CENPW: variants seen among roughly 807,000 people sequenced by gnomAD.
CENPW encodes centromere protein W.
A neutral mutation model predicts 11.1 loss-of-function variants in CENPW; 3 were observed. That is an observed-to-expected ratio of 0.27 (90% confidence interval 0.12 to 0.70). CENPW has a LOEUF of 0.70. Among genes scored for constraint, CENPW ranks in the 30% least tolerant of loss-of-function variants. The pLI is 0.77. For missense variants in CENPW, 100 were observed against 105.6 expected, an observed-to-expected ratio of 0.95 and a Z score of 0.23; for synonymous variants, 38 against 42.0, an observed-to-expected ratio of 0.91 and a Z score of 0.37.
chr6:126,472,092 T>C, the CENPW span, among the ~76,000 whole-genome samples: 7 of 152,214 alleles, frequency 4.6e-5, no homozygotes, highest in Admixed American at 4.6e-4. Flanking sequence ...CTTCAATAAT[T>C]ATAAGCTTCG....
At position 126,340,332 on chromosome 6, in the gene CENPW, G is replaced by A. The variant is rs569626276; in HGVS notation, c.59G>A (p.Gly20Asp). 40 of 1,614,114 alleles carry A rather than the reference G, an allele frequency of 2.5e-5. No individual in the cohort carries two copies. The East Asian group carries it at 8.7e-4, about 35-fold the overall frequency. The change falls in exon 1 of 3, where the codon GGC becomes GAC. Residue 20 changes from glycine (G) to aspartate (D), a missense_variant. Physicochemically the swap from Gly to Asp is moderately conservative, Grantham distance 94. Coordinates refer to ENST00000368328, the MANE Select transcript of CENPW (RefSeq NM_001012507.4). The part of the protein sequence containing the change: ...RKQIKRKAPR[G>D]FLKRVFKRKK... The stretch of plus-strand genomic sequence containing the variant: ...CAGATAAAGCGGAAGGCTCCCCGTG[G>A]CTTTCTAAAGCGAGTCTTCAAGCGA...
the CENPW span, among the ~76,000 whole-genome samples, chr6:126,399,710 A>C: frequency 7.0e-4 from 107 of 152,124 alleles, no homozygotes; most frequent in African/African-American, 2.4e-3. Flanking sequence ...TAGAGATTTA[A>C]TTTATGTAAA....
chr6:126,457,337 T>G, the CENPW span, among the ~76,000 whole-genome samples: 4 of 151,518 alleles, frequency 2.6e-5, no homozygotes, highest in Admixed American at 2.0e-4. Flanking sequence ...GTAGACTGAA[T>G]AAAGAAAATG....
the CENPW span, among the ~76,000 whole-genome samples, chr6:126,369,615 G>A: frequency 6.6e-6 from 1 of 152,130 alleles, no homozygotes; most frequent in Middle Eastern, 3.4e-3. Context: ...CCCACTTTTT[G>A]TTGGGATTGT....
chr6:126,471,220 TC>T, the CENPW span, among the ~76,000 whole-genome samples: 1 of 152,062 alleles, frequency 6.6e-6, no homozygotes, highest in Non-Finnish European at 1.5e-5. Flanking sequence ...GGGTGCCATT[TC>T]CCCCATGGTA....
chr6:126,454,796 GATAAA>G, the CENPW span, among the ~76,000 whole-genome samples: 1,079 of 150,912 alleles, frequency 7.1e-3, 12 homozygotes, highest in African/African-American at 0.024. Flanking sequence ...TTGGTTTTTT[GATAAA>G]ATAAATAAGA....
the CENPW span, among the ~76,000 whole-genome samples, chr6:126,384,023 C>A: frequency 3.3e-5 from 5 of 152,078 alleles, no homozygotes; most frequent in Non-Finnish European, 7.4e-5. Context: ...TCAGCAAATG[C>A]AGAAGAACTG....
the CENPW span, among the ~76,000 whole-genome samples, chr6:126,378,620 G>A: frequency 3.3e-4 from 50 of 151,988 alleles, no homozygotes; most frequent in Non-Finnish European, 5.1e-4. Context: ...GTGATATATT[G>A]CCCAGAGCAC....
At chr6:126,403,225 A>T in the CENPW span, among the ~76,000 whole-genome samples, 1 of 152,266 alleles carries the variant, frequency 6.6e-6, no homozygotes, top group African/African-American at 2.4e-5. Flanking sequence ...TAGGCCAATT[A>T]ATAACTTTTC....
chr6:126,407,071 TC>T, the CENPW span, among the ~76,000 whole-genome samples: 1 of 152,118 alleles, frequency 6.6e-6, no homozygotes, highest in Non-Finnish European at 1.5e-5. Flanking sequence ...TAGCTATTCT[TC>T]CTGATGCTAT....
chr6:126,397,664 C>T, the CENPW span, among the ~76,000 whole-genome samples: 1 of 152,046 alleles, frequency 6.6e-6, no homozygotes, highest in African/African-American at 2.4e-5. Flanking sequence ...TTACTCTGCC[C>T]CTAGATTGTT....
At chr6:126,404,517 G>A in the CENPW span, among the ~76,000 whole-genome samples, 43 of 152,098 alleles carry the variant, frequency 2.8e-4, no homozygotes, top group South Asian at 8.7e-3. Flanking sequence ...TTTCTTTTGG[G>A]TATATAAACA....
Position 126,348,630 on chromosome 6 carries a change from T to C in CENPW, c.*138T>C, listed in dbSNP as rs1186174434. The C allele has an allele frequency of 7.1e-6, 4 of 561,022 alleles. No individual in the cohort carries two copies. In the East Asian group the frequency reaches 1.3e-4, roughly 18 times the overall value. 34.8% of individuals were successfully genotyped at this position (561,022 alleles called of 1,614,324 possible). ...GTGATGTGTGTGTTTGTATTTTTTTTCTGGCATGAAATATCTCAAGTAAAT... is the reference window on the plus strand; with the variant it reads ...GTGATGTGTGTGTTTGTATTTTTTTCCTGGCATGAAATATCTCAAGTAAAT... On this transcript the variant is annotated 3_prime_UTR_variant, in exon 3 of 3. Transcript: ENST00000368328.
At chr6:126,402,540 AG>A in the CENPW span, among the ~76,000 whole-genome samples, 1 of 107,578 alleles carries the variant, frequency 9.3e-6, no homozygotes, top group African/African-American at 3.7e-5. Flanking sequence ...CTACAGCCAT[AG>A]GCAACCACCA....
chr6:126,461,106 C>T, the CENPW span, among the ~76,000 whole-genome samples: 4 of 151,850 alleles, frequency 2.6e-5, no homozygotes, highest in Non-Finnish European at 4.4e-5. Flanking sequence ...TGTGTCTCCA[C>T]CCAAATCTCA....
chr6:126,440,228 C>T, the CENPW span, among the ~76,000 whole-genome samples: 3 of 151,540 alleles, frequency 2.0e-5, no homozygotes, highest in African/African-American at 7.3e-5. Flanking sequence ...TAGTTTGTTT[C>T]CTAAGCTCTA....
At chr6:126,353,700 G>A (rs780782292), downstream of CENPW, among the ~76,000 whole-genome samples, 15 of 151,790 alleles carry the variant, frequency 9.9e-5, no homozygotes, top group Admixed American at 4.6e-4. Flanking sequence ...TCTCCTGTTC[G>A]AGATTCTAAT....
At chr6:126,429,721 A>G in the CENPW span, among the ~76,000 whole-genome samples, 1 of 152,188 alleles carries the variant, frequency 6.6e-6, no homozygotes, top group Non-Finnish European at 1.5e-5. Context: ...TTTCTTTGCT[A>G]TCCAGTTAGG....
the CENPW span, among the ~76,000 whole-genome samples, chr6:126,430,140 G>C: frequency 6.6e-6 from 1 of 152,182 alleles, no homozygotes; most frequent in Non-Finnish European, 1.5e-5. Flanking sequence ...ATTCTGAGCT[G>C]TTTTGTGTAC....
Sources: gnomAD v4.1 joint callset for allele counts (sites outside exome capture counted in the v4.1 genomes callset) on GRCh38, gnomAD v4.1.1 for gene constraint, MANE v1.5 for transcripts, NCBI Gene and HGNC (gene_info 2026-07-23, HGNC 2026-07-21) for gene names.